Variants in PARD3B observed in about 807,000 individuals in gnomAD.
The protein encoded by PARD3B is par-3 family cell polarity regulator beta.
A neutral mutation model predicts 130.2 loss-of-function variants in PARD3B; 103 were observed. The ratio of observed to expected loss-of-function variants is 0.79; its 90% CI spans 0.67 to 0.93. PARD3B has a LOEUF of 0.93. Ranked by LOEUF, PARD3B falls within the 40% of genes least tolerant of loss-of-function variation. The pLI, the probability that PARD3B is intolerant of heterozygous loss-of-function variation, is 0.00. For missense variants in PARD3B, 1,609 were observed against 1,499.2 expected, an observed-to-expected ratio of 1.07 and a Z score of -1.21; for synonymous variants, 583 against 553.2, an observed-to-expected ratio of 1.05 and a Z score of -0.76.
intron 22 of PARD3B, among the ~76,000 whole-genome samples, chr2:205,609,611 A>G (rs73062233): frequency 0.023 from 3,575 of 152,382 alleles, 135 homozygotes; most frequent in African/African-American, 0.08. Flanking sequence ...TTTTATAGAA[A>G]TTAAGAACAA....
intron 2 of PARD3B, among the ~76,000 whole-genome samples, chr2:204,893,979 A>T (rs2046544562): frequency 3.3e-5 from 5 of 152,200 alleles, no homozygotes; most frequent in Admixed American, 3.3e-4. Context: ...TTACATAAGT[A>T]AATCTATTTT....
At chr2:204,622,485 G>A (rs2034339629) in intron 1 of PARD3B, among the ~76,000 whole-genome samples, 1 of 152,018 alleles carries the variant, frequency 6.6e-6, no homozygotes, top group East Asian at 1.9e-4. Flanking sequence ...TCACGTGTTT[G>A]AGCCTTTGTA....
chr2:205,467,029 T>A (rs745862577), intron 20 of PARD3B, among the ~76,000 whole-genome samples: 7 of 152,266 alleles, frequency 4.6e-5, no homozygotes, highest in African/African-American at 7.2e-5. Context: ...GGTATTATTT[T>A]AACTGAATGC....
At chr2:204,729,320 A>G (rs2039383546) in intron 2 of PARD3B, among the ~76,000 whole-genome samples, 1 of 152,170 alleles carries the variant, frequency 6.6e-6, no homozygotes, top group African/African-American at 2.4e-5. Flanking sequence ...CTTGCAGAAT[A>G]AAGACTTTAA....
chr2:204,924,470 A>G (rs1687431245), intron 2 of PARD3B, among the ~76,000 whole-genome samples: 2 of 152,088 alleles, frequency 1.3e-5, no homozygotes, highest in African/African-American at 4.8e-5. Flanking sequence ...TTACAAGCAT[A>G]TGTACAGCAA....
chr2:204,678,666 T>TGCTTCTCCTCTCGATGTTCAGCC lies in PARD3B; in HGVS notation c.121-7510_121-7488dup, dbSNP rs1255168596. On this transcript the variant is annotated intron_variant, in intron 1 of 22. Coordinates refer to ENST00000406610, the MANE Select transcript of PARD3B (RefSeq NM_001302769.2). The surrounding 1 kb of genome is among the most constrained non-coding windows in gnomAD (Gnocchi z 4.2). ...TTGCTTCTAGTCTCTGATGCGCAGT[T>TGCTTCTCCTCTCGATGTTCAGCC]GCTTCTCCTCTCGATGTTCAGCCGC... Among the ~76,000 whole-genome samples, 2 of 152,116 alleles carry TGCTTCTCCTCTCGATGTTCAGCC rather than the reference T, an allele frequency of 1.3e-5. No homozygotes were observed. The highest frequency in any genetic ancestry group is 2.9e-5 in the Non-Finnish European group (2 of 68,014).
At chr2:204,803,118 G>C (rs2042631129) in intron 2 of PARD3B, among the ~76,000 whole-genome samples, 1 of 136,704 alleles carries the variant, frequency 7.3e-6, no homozygotes, top group Non-Finnish European at 1.5e-5. Context: ...AGGAGAGAGG[G>C]ACATAATGTA....
intron 2 of PARD3B, among the ~76,000 whole-genome samples, chr2:204,805,816 G>C (rs2042746551): frequency 6.6e-6 from 1 of 151,794 alleles, no homozygotes; most frequent in Non-Finnish European, 1.5e-5. Context: ...CAAGCCATGT[G>C]GTCATTTCAA....
intron 15 of PARD3B, among the ~76,000 whole-genome samples, chr2:205,238,888 A>G (rs13026518): frequency 0.17 from 11,756 of 69,314 alleles, 949 homozygotes; most frequent in Non-Finnish European, 0.24. Flanking sequence ...GTATGTGTGT[A>G]TATATATATA....
chr2:205,128,253 T>G lies in PARD3B; in HGVS notation c.1434+2516T>G, dbSNP rs1030646483. ...AACCACAGAACTCCAACTAGGAACT[T>G]AAACCCTCGAGCCTGCAGTTTCTGT... On this transcript the variant is annotated intron_variant, in intron 10 of 22. Transcript: ENST00000406610. This position sits in a 1 kb window ranked among gnomAD's most constrained non-coding sequence, Gnocchi z 4.5. Among the ~76,000 whole-genome samples, 5 of 152,198 alleles carry G rather than the reference T, an allele frequency of 3.3e-5. No homozygotes were observed. The highest frequency in any genetic ancestry group is 1.2e-4 in the African/African-American group (5 of 41,446).
intron 18 of PARD3B, among the ~76,000 whole-genome samples, chr2:205,365,549 C>CTTTTTTTTTTT (rs3048121): frequency 1.7e-4 from 19 of 113,720 alleles, no homozygotes; most frequent in East Asian, 2.3e-4. Flanking sequence ...CCCAACCTTC[C>CTTTTTTTTTTT]TTTTTTTTTT....
At chr2:205,382,432 A>C (rs938687332) in intron 18 of PARD3B, among the ~76,000 whole-genome samples, 1 of 152,096 alleles carries the variant, frequency 6.6e-6, no homozygotes, top group Non-Finnish European at 1.5e-5. Context: ...GTTCATCTTG[A>C]TCATTTCATT....
At chr2:205,335,364 C>T (rs1221522555) in intron 18 of PARD3B, among the ~76,000 whole-genome samples, 1 of 152,162 alleles carries the variant, frequency 6.6e-6, no homozygotes, top group African/African-American at 2.4e-5. Context: ...AGTCCCTGCT[C>T]TCAGGAACTC....
At chr2:205,110,578 C>G (rs1482060227) in intron 5 of PARD3B, among the ~76,000 whole-genome samples, 1 of 149,120 alleles carries the variant, frequency 6.7e-6, no homozygotes, top group Non-Finnish European at 1.5e-5. Context: ...CACTTTTCTT[C>G]TATGTATAAC....
chr2:204,920,140 T>C (rs1159779973), intron 2 of PARD3B, among the ~76,000 whole-genome samples: 1 of 152,128 alleles, frequency 6.6e-6, no homozygotes, highest in Non-Finnish European at 1.5e-5. Context: ...CAGTTGAGAG[T>C]ATGGCAAAAC....
At chr2:205,441,004 T>C (rs2047695736) in intron 20 of PARD3B, among the ~76,000 whole-genome samples, 1 of 152,136 alleles carries the variant, frequency 6.6e-6, no homozygotes, top group African/African-American at 2.4e-5. Context: ...TGTAAAAGAT[T>C]TATTCAGGAA....
intron 5 of PARD3B, among the ~76,000 whole-genome samples, 163 bp from the exon 6 acceptor site, chr2:205,113,328 C>T (rs1226106792): frequency 1.3e-5 from 2 of 151,922 alleles, no homozygotes; most frequent in Non-Finnish European, 2.9e-5. Context: ...ATCATCTGAA[C>T]ATACCAATAA....
intron 1 of PARD3B, among the ~76,000 whole-genome samples, chr2:204,626,434 T>C (rs573328236): frequency 1.2e-4 from 19 of 152,318 alleles, no homozygotes; most frequent in African/African-American, 4.6e-4. Context: ...CTGTGGCAAA[T>C]GTTTCCACCA....
chr2:205,391,651 C>T (rs1409070383), intron 18 of PARD3B, among the ~76,000 whole-genome samples: 1 of 152,178 alleles, frequency 6.6e-6, no homozygotes, highest in Non-Finnish European at 1.5e-5. Flanking sequence ...AGCAATTAAT[C>T]AAAGTTCACT....
Sources: gnomAD v4.1 joint callset for allele counts (sites outside exome capture counted in the v4.1 genomes callset) on GRCh38, gnomAD v4.1.1 for gene constraint, Gnocchi (gnomAD v3.1) non-coding constraint, MANE v1.5 for transcripts, NCBI Gene and HGNC (gene_info 2026-07-23, HGNC 2026-07-21) for gene names.